Variants in HOMER2 observed in about 807,000 individuals in gnomAD.
The protein encoded by HOMER2 is homer scaffold protein 2.
A neutral mutation model predicts 47.0 loss-of-function variants in HOMER2; 27 were observed. That is an observed-to-expected ratio of 0.57 (90% CI 0.42 to 0.79). The LOEUF (loss-of-function observed/expected upper bound fraction) is 0.79, where lower values mean the gene tolerates loss of function less well. HOMER2 is among the 30% of genes least tolerant of loss of function. HOMER2 has a pLI of 0.00. For missense variants in HOMER2, 443 were observed against 435.0 expected, an observed-to-expected ratio of 1.02 and a Z score of -0.16; for synonymous variants, 161 against 163.8, an observed-to-expected ratio of 0.98 and a Z score of 0.13.
rs546253200 is a variant in HOMER2 at position 82,862,154 on chromosome 15, C to CAG, written c.387+2012_387+2013insCT. Among the ~76,000 whole-genome samples the CAG allele has an allele frequency of 3.2e-3, 481 of 151,676 alleles. 3 individuals carry two copies. Among genetic ancestry groups the CAG allele is most frequent in the Admixed American group, 7.8e-3 (119 of 15,254 alleles). ...ATGAGCTCAGGTGATCCACTGGCCTCGGCTTCCCAAAGTGCTGAGATTACA... is the reference window on the plus strand; with the variant it reads ...ATGAGCTCAGGTGATCCACTGGCCTCAGGGCTTCCCAAAGTGCTGAGATTACA... On this transcript the variant is annotated intron_variant, in intron 4 of 8. Transcript: ENST00000450735.
chr15:82,838,213 C>CA (rs1211778157), exon 2 of HOMER2: 1 of 152,996 alleles, frequency 6.5e-6, no homozygotes, highest in Non-Finnish European at 1.5e-5. Flanking sequence ...ACAGGGTAGG[C>CA]ATGGGCCGGT....
intron 3 of HOMER2, among the ~76,000 whole-genome samples, chr15:82,874,028 T>C (rs891394058): frequency 2.0e-5 from 3 of 152,228 alleles, no homozygotes; most frequent in African/African-American, 7.2e-5. Flanking sequence ...CTGTCTTCAA[T>C]ACACACAAGT....
At chr15:82,985,966 T>G (rs745698969), upstream of HOMER2, 4 of 624,056 alleles carry the variant, frequency 6.4e-6, no homozygotes, top group African/African-American at 4.0e-5. Flanking sequence ...ACCCGTCACC[T>G]GCTCCCAATC....
At chr15:82,934,154 AG>A (rs2054085289) in intron 1 of HOMER2, among the ~76,000 whole-genome samples, 3 of 152,044 alleles carry the variant, frequency 2.0e-5, no homozygotes, top group Admixed American at 2.0e-4. Context: ...ACAGAAAGGG[AG>A]GGGGAAGGGT....
intron 8 of HOMER2, among the ~76,000 whole-genome samples, chr15:82,850,852 C>T (rs1023365312): frequency 1.3e-5 from 2 of 152,160 alleles, no homozygotes; most frequent in African/African-American, 2.4e-5. Flanking sequence ...GCTCTCAGGC[C>T]GCCCCCCCGC....
chr15:82,877,225 A>T (rs2667382), intron 2 of HOMER2, among the ~76,000 whole-genome samples: 93,266 of 151,944 alleles, frequency 0.61, 29,445 homozygotes, highest in East Asian at 0.83. Flanking sequence ...GCTGGAGTAC[A>T]ATGGCATGAT....
intron 1 of HOMER2, among the ~76,000 whole-genome samples, chr15:82,971,383 T>C (rs922506417): frequency 4.0e-5 from 6 of 151,134 alleles, no homozygotes; most frequent in African/African-American, 1.5e-4. Context: ...GAGAGAGAGA[T>C]AGCGAGAGAG....
chr15:82,914,681 G>C (rs1389583797), intron 1 of HOMER2, among the ~76,000 whole-genome samples: 1 of 152,180 alleles, frequency 6.6e-6, no homozygotes, highest in Non-Finnish European at 1.5e-5. Flanking sequence ...CCACTGAACT[G>C]TACACTTACA....
At chr15:82,863,527 C>G (rs1301428720) in intron 4 of HOMER2, among the ~76,000 whole-genome samples, 1 of 152,192 alleles carries the variant, frequency 6.6e-6, no homozygotes. Context: ...ACTCCTGCCC[C>G]TAAGTATTCT....
At chr15:82,950,703 T>C (rs2054488247) in intron 1 of HOMER2, among the ~76,000 whole-genome samples, 1 of 152,238 alleles carries the variant, frequency 6.6e-6, no homozygotes, top group African/African-American at 2.4e-5. Flanking sequence ...GTGAGTAATA[T>C]ATACATTTAT....
intron 1 of HOMER2, among the ~76,000 whole-genome samples, chr15:82,968,579 G>A (rs2054696994): frequency 6.6e-6 from 1 of 152,170 alleles, no homozygotes; most frequent in Admixed American, 6.5e-5. Flanking sequence ...TCTTTACCCA[G>A]ATGGTAGTAT....
chr15:82,844,116 A>G (rs2051207651), downstream of HOMER2: 1 of 152,208 alleles, frequency 6.6e-6, no homozygotes, highest in Non-Finnish European at 1.5e-5. Context: ...TGGGCATTTC[A>G]GTGTCTGTCT....
chr15:82,974,006 G>A (rs1297033905), intron 1 of HOMER2, among the ~76,000 whole-genome samples: 2 of 151,762 alleles, frequency 1.3e-5, no homozygotes, highest in Admixed American at 6.6e-5. Context: ...TCTGAGGCAC[G>A]AGGGTCACTT....
chr15:82,893,312 G>A (rs1174258589), intron 1 of HOMER2, among the ~76,000 whole-genome samples: 1 of 148,130 alleles, frequency 6.8e-6, no homozygotes. Flanking sequence ...AGTAATTTAT[G>A]AATGACATAA....
At chr15:82,935,979 A>T (rs2054133387) in intron 1 of HOMER2, among the ~76,000 whole-genome samples, 1 of 152,180 alleles carries the variant, frequency 6.6e-6, no homozygotes. Flanking sequence ...CTTTTATTGA[A>T]TCATACTGCC....
intron 2 of HOMER2, among the ~76,000 whole-genome samples, chr15:82,877,086 C>T (rs2052374681): frequency 6.6e-6 from 1 of 152,306 alleles, no homozygotes; most frequent in Admixed American, 6.5e-5. Context: ...TATATTAGTT[C>T]ACTTAAACCT....
upstream of HOMER2, among the ~76,000 whole-genome samples, chr15:82,955,011 C>T (rs528450187): frequency 1.3e-5 from 2 of 152,080 alleles, no homozygotes; most frequent in South Asian, 4.2e-4. Context: ...CTCTTGACCT[C>T]GTGATCGGCC....
At chr15:82,952,772 C>G (rs1444451060), upstream of HOMER2, 5 of 909,368 alleles carry the variant, frequency 5.5e-6, no homozygotes, top group South Asian at 2.0e-4. Flanking sequence ...CCCCGCCCTC[C>G]CCAGCCGCTA....
At chr15:82,986,117 A>C (rs943864684), upstream of HOMER2, 1 of 984,322 alleles carries the variant, frequency 1.0e-6, no homozygotes, top group African/African-American at 1.8e-5. Context: ...CATTTGAAGA[A>C]GCGATCTGTT....
Sources: allele counts gnomAD v4.1 joint callset (sites outside exome capture counted in the v4.1 genomes callset), GRCh38; gene constraint gnomAD v4.1.1; transcripts MANE v1.5; gene names NCBI Gene and HGNC (gene_info 2026-07-23, HGNC 2026-07-21).